MED27: variants seen among roughly 807,000 people sequenced by gnomAD.
MED27 encodes mediator of RNA polymerase II transcription subunit 27.
MED27 carries 30 observed loss-of-function variants against 38.2 expected under a neutral mutation model. The ratio of observed to expected loss-of-function variants is 0.79; its 90% CI spans 0.59 to 1.07. The LOEUF is 1.07. MED27 is among the 50% of genes least tolerant of loss of function. MED27 has a pLI of 0.00. For missense variants in MED27, 289 were observed against 397.5 expected (o/e 0.73, Z 2.32); for synonymous variants, 122 against 153.5 (o/e 0.79, Z 1.52).
chr9:132,042,860 T>C (rs1215801832), intron 2 of MED27, among the ~76,000 whole-genome samples: 3 of 152,230 alleles, frequency 2.0e-5, no homozygotes, highest in African/African-American at 4.8e-5. Flanking sequence ...TGGTATTGAT[T>C]GTATAAAAGA....
intron 4 of MED27, among the ~76,000 whole-genome samples, chr9:131,902,773 T>G (rs1472947415): frequency 6.6e-6 from 1 of 152,192 alleles, no homozygotes; most frequent in African/African-American, 2.4e-5. Flanking sequence ...AGAGGGGAAT[T>G]ATATTTTTCC....
chr9:131,900,767 T>C (rs1589195176), intron 4 of MED27, among the ~76,000 whole-genome samples: 2 of 152,082 alleles, frequency 1.3e-5, no homozygotes, highest in East Asian at 3.9e-4. Flanking sequence ...GAGTGTGTTA[T>C]TAAAAAAGAA....
intron 3 of MED27, among the ~76,000 whole-genome samples, chr9:131,964,685 C>G (rs540417935): frequency 2.6e-5 from 4 of 152,152 alleles, no homozygotes; most frequent in Non-Finnish European, 4.4e-5. Flanking sequence ...AAACCTTGAA[C>G]CAAGGACGTG....
At chr9:131,928,614 T>G (rs972904126) in intron 4 of MED27, among the ~76,000 whole-genome samples, 1 of 152,020 alleles carries the variant, frequency 6.6e-6, no homozygotes, top group Non-Finnish European at 1.5e-5. Context: ...CCTGACACAG[T>G]GGAGAGTAAA....
intron 2 of MED27, among the ~76,000 whole-genome samples, chr9:132,034,603 G>A (rs952441683): frequency 2.0e-5 from 3 of 152,166 alleles, no homozygotes; most frequent in Non-Finnish European, 2.9e-5. Flanking sequence ...GAACCTCAGC[G>A]CGATAGCTTG....
intron 1 of MED27, among the ~76,000 whole-genome samples, chr9:132,078,398 C>T (rs1256312161): frequency 6.6e-6 from 1 of 152,082 alleles, no homozygotes; most frequent in Non-Finnish European, 1.5e-5. Flanking sequence ...TTATAATATC[C>T]TGAACATTAC....
chr9:131,901,155 C>T (rs1589195496), intron 4 of MED27, among the ~76,000 whole-genome samples: 2 of 152,034 alleles, frequency 1.3e-5, no homozygotes, highest in South Asian at 2.1e-4. Context: ...GGCTGGCGGG[C>T]ACACCCAAAG....
intron 3 of MED27, among the ~76,000 whole-genome samples, chr9:131,969,389 A>C (rs143721245): frequency 6.6e-6 from 1 of 152,174 alleles, no homozygotes; most frequent in Non-Finnish European, 1.5e-5. Context: ...GATTCAGTGT[A>C]TATTTCATTA....
Position 131,901,731 on chromosome 9 carries a change from C to T in MED27, c.574-7739G>A, listed in dbSNP as rs151163011. ...TACGGTCTGTAAAAGCTCATCAGTG[C>T]CCCTATACTTTTCCTAGGGGGTCTT... On this transcript the variant is annotated intron_variant, in intron 4 of 7. Transcript: ENST00000292035. 3.2e-3 allele frequency among the ~76,000 whole-genome samples: 492 copies of T among 152,226 alleles called. 5 individuals carry two copies. Among genetic ancestry groups the T allele is most frequent in the African/African-American group, 0.011 (462 of 41,538 alleles).
chr9:131,920,225 G>C (rs1334620216), intron 4 of MED27, among the ~76,000 whole-genome samples: 1 of 152,142 alleles, frequency 6.6e-6, no homozygotes, highest in Non-Finnish European at 1.5e-5. Flanking sequence ...CTCTCTAACA[G>C]TGCAGTGTAC....
chr9:131,994,655 C>T (rs905246608), intron 3 of MED27, among the ~76,000 whole-genome samples: 17 of 152,200 alleles, frequency 1.1e-4, no homozygotes, highest in African/African-American at 4.1e-4. Flanking sequence ...AAAGCCATCA[C>T]TGATTTAGTG....
chr9:132,066,405 A>T (rs1228038669), intron 2 of MED27, among the ~76,000 whole-genome samples: 1 of 152,248 alleles, frequency 6.6e-6, no homozygotes, highest in Non-Finnish European at 1.5e-5. Flanking sequence ...AGGAGACTTC[A>T]GAAACAGCCT....
At chr9:132,068,032 T>G (rs1833847498) in intron 2 of MED27, among the ~76,000 whole-genome samples, 1 of 152,168 alleles carries the variant, frequency 6.6e-6, no homozygotes, top group Non-Finnish European at 1.5e-5. Flanking sequence ...TTTGAAATTT[T>G]CCATAATAAA....
intron 2 of MED27, among the ~76,000 whole-genome samples, chr9:132,044,078 A>C (rs1833279795): frequency 6.6e-6 from 1 of 152,182 alleles, no homozygotes; most frequent in African/African-American, 2.4e-5. Context: ...GTCCCTCATG[A>C]GATAACAAAG....
intron 4 of MED27, among the ~76,000 whole-genome samples, chr9:131,922,722 T>C (rs1216114679): frequency 6.6e-6 from 1 of 152,138 alleles, no homozygotes; most frequent in Non-Finnish European, 1.5e-5. Flanking sequence ...TGTGCCATGT[T>C]GGTGTGCTGC....
intron 2 of MED27, among the ~76,000 whole-genome samples, chr9:132,026,476 C>A (rs1034506008): frequency 3.3e-5 from 5 of 152,194 alleles, no homozygotes; most frequent in Non-Finnish European, 1.5e-5. Context: ...TTTTGTGTAT[C>A]TACCTTTACT....
At chr9:132,057,856 G>A (rs1833613070) in intron 2 of MED27, among the ~76,000 whole-genome samples, 1 of 152,226 alleles carries the variant, frequency 6.6e-6, no homozygotes, top group Non-Finnish European at 1.5e-5. Flanking sequence ...AGTGAGTGGA[G>A]CCCGGTGAAA....
intron 4 of MED27, among the ~76,000 whole-genome samples, chr9:131,922,429 C>A (rs1830409901): frequency 7.5e-6 from 1 of 133,744 alleles, no homozygotes; most frequent in Non-Finnish European, 1.6e-5. Context: ...CTCCTTTCAA[C>A]TGGCTTCTGT....
intron 3 of MED27, among the ~76,000 whole-genome samples, chr9:131,977,229 T>C (rs1831628881): frequency 6.6e-6 from 1 of 152,174 alleles, no homozygotes; most frequent in Non-Finnish European, 1.5e-5. Context: ...GTGACCATCA[T>C]AGAGCAGCCA....
Sources: gnomAD v4.1 joint callset for allele counts (sites outside exome capture counted in the v4.1 genomes callset) on GRCh38, gnomAD v4.1.1 for gene constraint, MANE v1.5 for transcripts, NCBI Gene and HGNC (gene_info 2026-07-23, HGNC 2026-07-21) for gene names.